CHRM2: variants seen among roughly 807,000 people sequenced by gnomAD.
The protein encoded by CHRM2 is muscarinic acetylcholine receptor M2.
In CHRM2, 8 loss-of-function variants were observed where a neutral mutation model predicts 25.0. That is an observed-to-expected ratio of 0.32 (90% CI 0.19 to 0.58). The LOEUF is 0.58. Among genes scored for constraint, CHRM2 ranks in the 20% least tolerant of loss-of-function variants. The pLI is 0.88. For synonymous variants in CHRM2, 202 were observed against 205.7 expected (o/e 0.98, Z 0.15); for missense variants, 440 against 567.1 (o/e 0.78, Z 2.28).
Position 136,869,588 on chromosome 7 carries a change from T to C in CHRM2, c.-125+170T>C, listed in dbSNP as rs1795732295. ...ATTCTCAAACGGAAACTTTGGATCCTGGGGCTTGGAGGGTTGCGAGCAGTG... is the reference window on the plus strand; with the variant it reads ...ATTCTCAAACGGAAACTTTGGATCCCGGGGCTTGGAGGGTTGCGAGCAGTG... On this transcript the variant is annotated intron_variant, in intron 2 of 3. Coordinates refer to ENST00000680005, the MANE Select transcript of CHRM2 (RefSeq NM_001006630.2). The surrounding 1 kb of genome is among the most constrained non-coding windows in gnomAD (Gnocchi z 4.9). 6.6e-6 allele frequency among the ~76,000 whole-genome samples: 1 copy of C among 152,130 alleles called. No individual in the cohort carries two copies. Among genetic ancestry groups the C allele is most frequent in the Non-Finnish European group, 1.5e-5 (1 of 67,990 alleles).
intron 3 of CHRM2, among the ~76,000 whole-genome samples, chr7:136,997,293 TAC>T (rs1169250253): frequency 1.3e-5 from 2 of 152,220 alleles, no homozygotes; most frequent in African/African-American, 2.4e-5. Flanking sequence ...CCAACCATGC[TAC>T]ACAGTCTTTG....
At chr7:137,014,590 T>A (rs1232428013) in intron 3 of CHRM2, among the ~76,000 whole-genome samples, 1 of 151,938 alleles carries the variant, frequency 6.6e-6, no homozygotes, top group African/African-American at 2.4e-5. Flanking sequence ...TAAGGACATA[T>A]TTAAAACATT....
At chr7:136,891,696 C>T (rs1409028030) in intron 2 of CHRM2, among the ~76,000 whole-genome samples, 1 of 152,130 alleles carries the variant, frequency 6.6e-6, no homozygotes, top group East Asian at 1.9e-4. Flanking sequence ...CTTTATGTTT[C>T]TTGGACATAA....
chr7:136,973,287 C>T (rs1268338701), intron 2 of CHRM2, among the ~76,000 whole-genome samples: 44 of 62,724 alleles, frequency 7.0e-4, no homozygotes, highest in East Asian at 1.8e-3. Context: ...GGGATGGTGG[C>T]AGGTGATGAT....
At chr7:136,969,114 T>G (rs545875530) in intron 2 of CHRM2, among the ~76,000 whole-genome samples, 1 of 152,130 alleles carries the variant, frequency 6.6e-6, no homozygotes, top group African/African-American at 2.4e-5. Flanking sequence ...CTTCAATTAC[T>G]TGAGGGGCAT....
intron 2 of CHRM2, among the ~76,000 whole-genome samples, chr7:136,901,490 G>A (rs1215544342): frequency 2.0e-5 from 3 of 151,964 alleles, no homozygotes; most frequent in South Asian, 2.1e-4. Context: ...ATAATGTGCT[G>A]TGCCCTGACC....
chr7:136,938,487 G>T (rs569965410), intron 2 of CHRM2: 6 of 1,079,614 alleles, frequency 5.6e-6, no homozygotes, highest in Non-Finnish European at 7.2e-6. Flanking sequence ...GGATGTTGGG[G>T]TTCACCTCTA....
At chr7:136,959,441 T>C (rs577767151) in intron 2 of CHRM2, among the ~76,000 whole-genome samples, 293 of 152,322 alleles carry the variant, frequency 1.9e-3, no homozygotes, top group Non-Finnish European at 3.1e-3. Flanking sequence ...ATTAGGCCCA[T>C]GCTAGGCTCC....
chr7:136,873,593 C>T (rs1795927630), intron 2 of CHRM2, among the ~76,000 whole-genome samples: 1 of 151,988 alleles, frequency 6.6e-6, no homozygotes, highest in Non-Finnish European at 1.5e-5. Context: ...TGGTAATGAC[C>T]CGAGATCATA....
At chr7:136,871,267 G>C (rs1232367876) in intron 2 of CHRM2, 4 of 152,756 alleles carry the variant, frequency 2.6e-5, no homozygotes, top group Admixed American at 6.5e-5. Flanking sequence ...TGGGGAAAAC[G>C]GGCCGGGCTG....
chr7:136,985,250 G>A (rs915696520), intron 2 of CHRM2, among the ~76,000 whole-genome samples: 3 of 152,070 alleles, frequency 2.0e-5, no homozygotes, highest in East Asian at 1.9e-4. Flanking sequence ...CTTGGCTCAC[G>A]CCTGTAATCC....
intron 3 of CHRM2, among the ~76,000 whole-genome samples, chr7:137,011,215 G>GTGTGTGTGTGTGTGTATATATATATA: frequency 1.8e-4 from 24 of 134,274 alleles, no homozygotes; most frequent in African/African-American, 2.6e-4. Flanking sequence ...GTGTGTGTGT[G>GTGTGTGTGTGTGTGTATATATATATA]TATATATATA....
chr7:136,936,602 A>G (rs557517461), intron 2 of CHRM2, among the ~76,000 whole-genome samples: 1 of 139,976 alleles, frequency 7.1e-6, no homozygotes, highest in South Asian at 2.1e-4. Flanking sequence ...GTGCATGTAC[A>G]TGTCTCTGTC....
In CHRM2 at chr7:137,014,798, A is replaced by C. The variant is rs1359552131; in HGVS notation, c.-46-22A>C. On this transcript the variant is annotated intron_variant, in intron 3 of 3. Transcript: ENST00000680005. Reference sequence around the variant, plus strand: ...ACCAATGTTTATATTATGTTTGTTAATTTTATTCTATTTCCTTGCAGGTTT... The same window carrying C: ...ACCAATGTTTATATTATGTTTGTTACTTTTATTCTATTTCCTTGCAGGTTT... 8 of 1,340,182 alleles carry C rather than the reference A, an allele frequency of 6.0e-6. No individual in the cohort carries two copies. In the African/African-American group the frequency reaches 1.2e-4, roughly 20 times the overall value. 83.0% of individuals were successfully genotyped at this position (1,340,182 alleles called of 1,614,324 possible).
At chr7:136,992,540 GT>G (rs1387367893) in intron 3 of CHRM2, among the ~76,000 whole-genome samples, 4 of 152,054 alleles carry the variant, frequency 2.6e-5, no homozygotes, top group Non-Finnish European at 5.9e-5. Flanking sequence ...CAGGAAAAAT[GT>G]TCTACACCCT....
intron 2 of CHRM2, among the ~76,000 whole-genome samples, chr7:136,960,722 C>T (rs915489274): frequency 1.3e-5 from 2 of 152,152 alleles, no homozygotes; most frequent in African/African-American, 2.4e-5. Context: ...TTCTATAGCT[C>T]ATTGTGTTGA....
chr7:136,875,647 C>A (rs547237482), intron 2 of CHRM2, among the ~76,000 whole-genome samples: 37 of 152,156 alleles, frequency 2.4e-4, no homozygotes, highest in Non-Finnish European at 4.6e-4. Flanking sequence ...CAAATCTGAA[C>A]ATGTCGTTCT....
At chr7:136,890,879 GT>G in intron 2 of CHRM2, among the ~76,000 whole-genome samples, 1 of 152,216 alleles carries the variant, frequency 6.6e-6, no homozygotes, top group South Asian at 2.1e-4. Flanking sequence ...GTATATATGT[GT>G]ATGTGTGTGT....
At chr7:136,990,915 C>A (rs552962074) in intron 2 of CHRM2, among the ~76,000 whole-genome samples, 2 of 152,206 alleles carry the variant, frequency 1.3e-5, no homozygotes, top group South Asian at 4.1e-4. Context: ...TATGGCCATT[C>A]TAATAAATGT....
Sources: gnomAD v4.1 joint callset for allele counts (sites outside exome capture counted in the v4.1 genomes callset) on GRCh38, gnomAD v4.1.1 for gene constraint, Gnocchi (gnomAD v3.1) non-coding constraint, MANE v1.5 for transcripts, NCBI Gene and HGNC (gene_info 2026-07-23, HGNC 2026-07-21) for gene names.